Variants in UBE2E2 observed in about 807,000 individuals in gnomAD.
UBE2E2 encodes the protein ubiquitin-conjugating enzyme E2 E2.
A neutral mutation model predicts 24.7 loss-of-function variants in UBE2E2; 6 were observed. The observed-to-expected ratio is 0.24, with a 90% CI of 0.13 to 0.48. The LOEUF (loss-of-function observed/expected upper bound fraction) is 0.48. Among genes scored for constraint, UBE2E2 ranks in the 20% least tolerant of loss-of-function variants. UBE2E2 has a pLI of 0.99. For synonymous variants in UBE2E2, 104 were observed against 83.6 expected, an observed-to-expected ratio of 1.24 and a Z score of -1.33; for missense variants, 169 against 245.0, an observed-to-expected ratio of 0.69 and a Z score of 2.07.
chr3:23,543,024 G>C (rs1695429165), intron 5 of UBE2E2, among the ~76,000 whole-genome samples: 1 of 152,166 alleles, frequency 6.6e-6, no homozygotes, highest in Non-Finnish European at 1.5e-5. Flanking sequence ...GGTTGGTTTA[G>C]AAGTTGATCT....
intron 3 of UBE2E2, among the ~76,000 whole-genome samples, chr3:23,306,892 T>C (rs1699249677): frequency 6.6e-6 from 1 of 152,212 alleles, no homozygotes; most frequent in South Asian, 2.1e-4. Context: ...TTAAACCAGA[T>C]TCTATTATTA....
chr3:23,572,269 A>G (rs768610591), intron 5 of UBE2E2, among the ~76,000 whole-genome samples: 5 of 152,188 alleles, frequency 3.3e-5, no homozygotes, highest in Non-Finnish European at 5.9e-5. Flanking sequence ...ATTAGTAGTC[A>G]GGTTTTTCTA....
intron 3 of UBE2E2, among the ~76,000 whole-genome samples, chr3:23,341,866 A>G (rs964918800): frequency 9.9e-5 from 15 of 152,242 alleles, no homozygotes; most frequent in African/African-American, 3.6e-4. Flanking sequence ...AAAGGAATCA[A>G]TGAGAAGATG....
chr3:23,537,074 A>G (rs1309545983), intron 5 of UBE2E2, among the ~76,000 whole-genome samples: 3 of 152,190 alleles, frequency 2.0e-5, no homozygotes, highest in Non-Finnish European at 4.4e-5. Context: ...TATCAGCCAC[A>G]TTAAGTGAGG....
intron 5 of UBE2E2, among the ~76,000 whole-genome samples, chr3:23,566,698 C>G (rs1445937913): frequency 2.0e-5 from 3 of 152,134 alleles, no homozygotes; most frequent in Admixed American, 6.6e-5. Context: ...CTCATTACCA[C>G]TCATTACTGA....
chr3:23,214,580 T>G (rs1696423014), intron 2 of UBE2E2, among the ~76,000 whole-genome samples: 1 of 145,804 alleles, frequency 6.9e-6, no homozygotes, highest in South Asian at 2.1e-4. Context: ...TTTTTTTTTG[T>G]TTTTTTTTTA....
At chr3:23,237,845 A>G (rs980477162) in intron 3 of UBE2E2, among the ~76,000 whole-genome samples, 2 of 152,144 alleles carry the variant, frequency 1.3e-5, no homozygotes, top group Non-Finnish European at 2.9e-5. Flanking sequence ...TTACAATGCA[A>G]TTTCTAACAG....
chr3:23,353,357 T>C (rs1248496641), intron 3 of UBE2E2, among the ~76,000 whole-genome samples: 1 of 151,894 alleles, frequency 6.6e-6, no homozygotes, highest in Non-Finnish European at 1.5e-5. Context: ...ACCACTCCTA[T>C]TCAACATAGT....
chr3:23,572,628 A>G (rs774313717), intron 5 of UBE2E2, among the ~76,000 whole-genome samples: 6 of 152,128 alleles, frequency 3.9e-5, no homozygotes, highest in South Asian at 2.1e-4. Flanking sequence ...AAGTGAGACA[A>G]TGCAGTATTT....
At chr3:23,391,518 ACCC>A (rs1304801005) in intron 3 of UBE2E2, among the ~76,000 whole-genome samples, 2 of 152,164 alleles carry the variant, frequency 1.3e-5, no homozygotes, top group African/African-American at 4.8e-5. Context: ...CTTGTTATGA[ACCC>A]AGTTAATGAA....
At chr3:23,203,511 C>A (rs1046974982) in intron 1 of UBE2E2, 47 bp downstream of exon 1, 8 of 974,710 alleles carry the variant, frequency 8.2e-6, no homozygotes, top group Non-Finnish European at 2.4e-6. Flanking sequence ...GGGCGTCCTC[C>A]CTCTCGCTGA....
intron 3 of UBE2E2, among the ~76,000 whole-genome samples, chr3:23,363,696 G>A (rs1696185271): frequency 6.6e-6 from 1 of 152,146 alleles, no homozygotes; most frequent in Non-Finnish European, 1.5e-5. Context: ...CACAATAGTA[G>A]TGAGAGAGTT....
At chr3:23,485,494 C>G (rs1206947533) in intron 3 of UBE2E2, among the ~76,000 whole-genome samples, 3 of 152,134 alleles carry the variant, frequency 2.0e-5, no homozygotes, top group South Asian at 4.1e-4. Context: ...TCTTCTTGAA[C>G]AGGTCTGACA....
At chr3:23,392,098 A>G (rs943671554) in intron 3 of UBE2E2, among the ~76,000 whole-genome samples, 3 of 152,182 alleles carry the variant, frequency 2.0e-5, no homozygotes, top group Admixed American at 6.5e-5. Context: ...AAGAATTGAA[A>G]GATTATCTAC....
At chr3:23,576,930 T>TG (rs1696360513) in intron 5 of UBE2E2, among the ~76,000 whole-genome samples, 1 of 152,044 alleles carries the variant, frequency 6.6e-6, no homozygotes, top group South Asian at 2.1e-4. Flanking sequence ...TGTTTTTTTT[T>TG]TTTAACAAAT....
intron 3 of UBE2E2, among the ~76,000 whole-genome samples, chr3:23,482,004 G>A (rs764307510): frequency 1.8e-4 from 28 of 152,154 alleles, no homozygotes; most frequent in Admixed American, 1.0e-3. Context: ...TCACCAACTC[G>A]AGTGCTAGAA....
chr3:23,555,108 G>T (rs1695744583), intron 5 of UBE2E2, among the ~76,000 whole-genome samples: 1 of 151,946 alleles, frequency 6.6e-6, no homozygotes, highest in African/African-American at 2.4e-5. Context: ...GTAGAGATAG[G>T]ATTTCACCAT....
chr3:23,381,863 T>G (rs532495420), intron 3 of UBE2E2, among the ~76,000 whole-genome samples: 1 of 152,178 alleles, frequency 6.6e-6, no homozygotes, highest in Non-Finnish European at 1.5e-5. Flanking sequence ...TCCCAGTGTT[T>G]GAGGCTGCTT....
intron 3 of UBE2E2, among the ~76,000 whole-genome samples, chr3:23,367,323 T>C (rs527560921): frequency 6.6e-6 from 1 of 152,242 alleles, no homozygotes; most frequent in East Asian, 1.9e-4. Flanking sequence ...GCTGGCAGCA[T>C]CTAGGTAGCT....
Sources: gnomAD v4.1 joint callset for allele counts (sites outside exome capture counted in the v4.1 genomes callset) on GRCh38, gnomAD v4.1.1 for gene constraint, MANE v1.5 for transcripts, NCBI Gene and HGNC (gene_info 2026-07-23, HGNC 2026-07-21) for gene names.